GCSH: variants seen among roughly 807,000 people sequenced by gnomAD.
GCSH encodes glycine cleavage system H protein, mitochondrial.
Under a neutral mutation model 21.3 loss-of-function variants are expected in GCSH, and 15 were observed. The ratio of observed to expected loss-of-function variants is 0.70; its 90% CI spans 0.47 to 1.08. GCSH has a LOEUF of 1.08. GCSH is among the 50% of genes least tolerant of loss of function. The pLI is 0.00. For missense variants in GCSH, 179 were observed against 217.5 expected (o/e 0.82, Z 1.11); for synonymous variants, 59 against 84.5 (o/e 0.70, Z 1.66).
At chr16:81,091,784 A>G (rs892864926) in intron 1 of GCSH, among the ~76,000 whole-genome samples, 2 of 151,892 alleles carry the variant, frequency 1.3e-5, no homozygotes, top group Admixed American at 1.3e-4. Context: ...TATAATTATT[A>G]TTTTTATTTT....
chr16:81,094,755 A>C (rs5023850), intron 1 of GCSH, among the ~76,000 whole-genome samples: 131,819 of 151,500 alleles, frequency 0.87, 57,643 homozygotes, highest in South Asian at 0.97. Flanking sequence ...TCACTGATCT[A>C]CGCAATCGAA....
At chr16:81,090,096 C>CT (rs112174861) in intron 2 of GCSH, among the ~76,000 whole-genome samples, 3,903 of 146,114 alleles carry the variant, frequency 0.027, 166 homozygotes, top group East Asian at 0.19. Context: ...TTCTTTCTTT[C>CT]TTTTTTTTTT....
chr16:81,087,621 C>G lies in GCSH; in HGVS notation c.272G>C (p.Gly91Ala). 6.2e-7 allele frequency: 1 copy of G among 1,611,272 alleles called. No individual in the cohort carries two copies. Among genetic ancestry groups the G allele is most frequent in the Non-Finnish European group, 8.5e-7 (1 of 1,177,740 alleles). ...CTCACCTTGTTTGTTCAATTTTGTC[C>G]CAACTTCAGGGAGACTACAATAAAC... ...DVVYCSLPEV[G>A]TKLNKQDEFG... Residue 91 changes from glycine (G) to alanine (A), a missense_variant, in exon 3 of 5, where the codon GGG becomes GCG. Physicochemically the swap from Gly to Ala is moderately conservative, Grantham distance 60. Transcript: ENST00000315467.
At position 81,082,400 on chromosome 16, in the gene GCSH, G is replaced by C. The variant is rs1366193038; in HGVS notation, c.*466C>G. 5.3e-6 allele frequency: 2 copies of C among 378,356 alleles called. No individual in the cohort carries two copies. Among genetic ancestry groups the C allele is most frequent in the Non-Finnish European group, 5.1e-6 (1 of 194,934 alleles). 23.4% of individuals were successfully genotyped at this position (378,356 alleles called of 1,614,324 possible). ...TAAAAATAGCACCAGCAAATGCAGT[G>C]TATCGCAAAATTAAGATAGTGGTGT... On this transcript the variant is annotated 3_prime_UTR_variant, in exon 5 of 5. Coordinates refer to ENST00000315467, the MANE Select transcript of GCSH (RefSeq NM_004483.5).
rs781499022 is a variant in GCSH, at chr16:81,082,831, G to A, written c.*35C>T. The A allele has an allele frequency of 4.3e-6, 4 of 928,644 alleles. No individual in the cohort carries two copies. Among genetic ancestry groups the A allele is most frequent in the South Asian group, 1.3e-5 (1 of 76,682 alleles). The allele number at this position is 928,644 out of a possible 1,614,324, so 57.5% of individuals were successfully genotyped here. A position where few individuals can be genotyped will look rare whatever the true frequency, so the allele number is the denominator to read the frequency against. On this transcript the variant is annotated 3_prime_UTR_variant, in exon 5 of 5. Coordinates refer to ENST00000315467, the MANE Select transcript of GCSH (RefSeq NM_004483.5). ...ATTTAAGACAACTCTGCTGGCTTGCGTTATTTCATACTAGTTTATTTAGGA... is the reference window on the plus strand; with the variant it reads ...ATTTAAGACAACTCTGCTGGCTTGCATTATTTCATACTAGTTTATTTAGGA...
intron 1 of GCSH, among the ~76,000 whole-genome samples, chr16:81,093,560 G>C (rs1211278466): frequency 6.6e-6 from 1 of 152,076 alleles, no homozygotes; most frequent in Non-Finnish European, 1.5e-5. Flanking sequence ...CTCAGTCCTG[G>C]CCAACAGCAG....
chr16:81,087,535 C>T, intron 3 of GCSH, 66 bp downstream of exon 3: 1 of 1,113,842 alleles, frequency 9.0e-7, no homozygotes, highest in Non-Finnish European at 1.4e-6. Flanking sequence ...AGGGTACAAA[C>T]AAATTACTAT....
At chr16:81,088,405 T>G (rs1182022880) in intron 2 of GCSH, among the ~76,000 whole-genome samples, 3 of 152,154 alleles carry the variant, frequency 2.0e-5, no homozygotes, top group Admixed American at 1.3e-4. Flanking sequence ...CTCTTTGTTT[T>G]ATTTGGTTTT....
intron 2 of GCSH, among the ~76,000 whole-genome samples, chr16:81,088,909 G>A (rs1350825552): frequency 6.6e-6 from 1 of 152,132 alleles, no homozygotes; most frequent in East Asian, 1.9e-4. Flanking sequence ...CCACCGTTCC[G>A]ATGCCATCAT....
At chr16:81,086,526 C>T (rs550447790) in intron 3 of GCSH, among the ~76,000 whole-genome samples, 99 of 152,106 alleles carry the variant, frequency 6.5e-4, no homozygotes, top group Admixed American at 1.3e-3. Context: ...CATCGCATTC[C>T]AGCCTGGGCA....
At chr16:81,083,283 G>A (rs980081970) in intron 4 of GCSH, 4 of 335,434 alleles carry the variant, frequency 1.2e-5, no homozygotes, top group African/African-American at 4.3e-5. Context: ...TTTGGGAAGC[G>A]AAGGCAAGCA....
intron 1 of GCSH, among the ~76,000 whole-genome samples, chr16:81,092,074 C>T (rs922351997): frequency 1.3e-5 from 2 of 152,086 alleles, no homozygotes; most frequent in Admixed American, 1.3e-4. Context: ...GTCACTCTGA[C>T]GTTCAGGTAA....
At chr16:81,096,044 G>T in intron 1 of GCSH, 87 bp downstream of exon 1, 1 of 1,113,664 alleles carries the variant, frequency 9.0e-7, no homozygotes, top group Non-Finnish European at 1.1e-6. Context: ...CAGGAGCGGT[G>T]CCCCGGCGTC....
chr16:81,093,064 G>A (rs1315969353), intron 1 of GCSH, among the ~76,000 whole-genome samples: 6 of 150,952 alleles, frequency 4.0e-5, no homozygotes, highest in Non-Finnish European at 7.4e-5. Context: ...CCTGGGAGGC[G>A]GAGATTCCAG....
intron 1 of GCSH, 51 bp from the exon 2 acceptor site, chr16:81,090,731 A>T: frequency 7.7e-7 from 1 of 1,295,038 alleles, no homozygotes; most frequent in East Asian, 2.3e-5. Context: ...ACTTCTTAAG[A>T]AGCACTTTTC....
At chr16:81,093,431 T>C (rs1246843903) in intron 1 of GCSH, among the ~76,000 whole-genome samples, 1 of 152,178 alleles carries the variant, frequency 6.6e-6, no homozygotes, top group Admixed American at 6.6e-5. Flanking sequence ...CAATTACTAA[T>C]TGTAATTAGT....
At chr16:81,086,933 G>A (rs919757404) in intron 3 of GCSH, among the ~76,000 whole-genome samples, 3 of 152,220 alleles carry the variant, frequency 2.0e-5, no homozygotes, top group Non-Finnish European at 4.4e-5. Context: ...TCACTGAATT[G>A]TACACTTCTG....
At chr16:81,087,821 A>T (rs756415546) in intron 2 of GCSH, among the ~76,000 whole-genome samples, 157 bp from the exon 3 acceptor site, 1 of 152,174 alleles carries the variant, frequency 6.6e-6, no homozygotes, top group Non-Finnish European at 1.5e-5. Context: ...AAAATCCTTT[A>T]AACATGTAAA....
chr16:81,091,816 G>T (rs922235562), intron 1 of GCSH, among the ~76,000 whole-genome samples: 18 of 151,722 alleles, frequency 1.2e-4, no homozygotes, highest in Non-Finnish European at 2.4e-4. Flanking sequence ...GAGATGGGGG[G>T]GTCTATGTTG....
Sources: allele counts gnomAD v4.1 joint callset (sites outside exome capture counted in the v4.1 genomes callset), GRCh38; gene constraint gnomAD v4.1.1; transcripts MANE v1.5; gene names NCBI Gene and HGNC (gene_info 2026-07-23, HGNC 2026-07-21).